The following GALNTL6 variants were observed in gnomAD, a reference collection of about 807,000 sequenced individuals.
The protein encoded by GALNTL6 is polypeptide N-acetylgalactosaminyltransferase like 6, also known as polypeptide N-acetylgalactosaminyltransferase-like 6.
A neutral mutation model predicts 73.7 loss-of-function variants in GALNTL6; 46 were observed. The observed-to-expected ratio is 0.62, with a 90% CI of 0.49 to 0.80. The LOEUF (loss-of-function observed/expected upper bound fraction) is 0.80, where lower values mean the gene tolerates loss of function less well. GALNTL6 is among the 30% of genes least tolerant of loss of function. The pLI, the probability that GALNTL6 is intolerant of heterozygous loss-of-function variation, is 0.00. For missense variants in GALNTL6, 604 were observed against 755.0 expected, an observed-to-expected ratio of 0.80 and a Z score of 2.34; for synonymous variants, 259 against 263.7, an observed-to-expected ratio of 0.98 and a Z score of 0.17.
At chr4:172,628,890 C>A (rs1412093469) in intron 5 of GALNTL6, among the ~76,000 whole-genome samples, 1 of 151,912 alleles carries the variant, frequency 6.6e-6, no homozygotes, top group South Asian at 2.1e-4. Flanking sequence ...TTTCAAGATC[C>A]TTCATTTAAA....
intron 5 of GALNTL6, among the ~76,000 whole-genome samples, chr4:172,680,209 GTTA>G (rs1732551807): frequency 1.3e-5 from 2 of 152,188 alleles, no homozygotes; most frequent in South Asian, 4.1e-4. Context: ...AATGAATAGT[GTTA>G]TTATTTACAT....
At chr4:172,980,700 A>C (rs1461730795) in intron 10 of GALNTL6, among the ~76,000 whole-genome samples, 1 of 151,412 alleles carries the variant, frequency 6.6e-6, no homozygotes, top group Non-Finnish European at 1.5e-5. Context: ...TCAGATTAGG[A>C]CTCCATCCTT....
intron 12 of GALNTL6, among the ~76,000 whole-genome samples, chr4:173,037,494 C>T (rs1050419272): frequency 6.6e-6 from 1 of 152,132 alleles, no homozygotes; most frequent in Non-Finnish European, 1.5e-5. Flanking sequence ...CAGGAGTACA[C>T]CTGTATTTCT....
At chr4:172,242,650 G>A (rs1239584094) in intron 3 of GALNTL6, among the ~76,000 whole-genome samples, 1 of 152,106 alleles carries the variant, frequency 6.6e-6, no homozygotes, top group African/African-American at 2.4e-5. Context: ...GTCTTAAATA[G>A]TCATAATGGT....
At chr4:172,926,646 G>C (rs1324683048) in intron 8 of GALNTL6, among the ~76,000 whole-genome samples, 8 of 152,096 alleles carry the variant, frequency 5.3e-5, no homozygotes, top group Non-Finnish European at 7.4e-5. Context: ...AAAACAAAAG[G>C]CTGTGCCAAC....
intron 7 of GALNTL6, among the ~76,000 whole-genome samples, chr4:172,874,882 C>T (rs1745113379): frequency 6.6e-6 from 1 of 152,134 alleles, no homozygotes. Context: ...AGCACTCAAG[C>T]CTAGGACAGG....
intron 2 of GALNTL6, among the ~76,000 whole-genome samples, chr4:171,916,783 C>A (rs989432935): frequency 6.6e-6 from 1 of 151,948 alleles, no homozygotes; most frequent in African/African-American, 2.4e-5. Flanking sequence ...ATTTACAATT[C>A]TGTTTCTCAT....
rs201162814 is a variant in GALNTL6, at chr4:172,349,847, T to A, written c.553+1158T>A. Among the ~76,000 whole-genome samples, 233 of 41,152 alleles carry A rather than the reference T, an allele frequency of 5.7e-3. No homozygotes were observed. The South Asian group carries it at 0.15, about 26-fold the overall frequency. 27.0% of individuals were successfully genotyped at this position (41,152 alleles called of 152,430 possible). A position where few individuals can be genotyped will look rare whatever the true frequency, so the allele number is the denominator to read the frequency against. ...TAAAAAAAAATATATATATATATAT[T>A]TTTTTTAAACTATCAACCTGGTCAT... is the stretch of plus-strand genomic sequence containing the variant. On this transcript the variant is annotated intron_variant, in intron 5 of 12. Coordinates refer to ENST00000506823, the MANE Select transcript of GALNTL6 (RefSeq NM_001034845.3).
At chr4:172,525,606 C>A (rs1734924320) in intron 5 of GALNTL6, among the ~76,000 whole-genome samples, 1 of 152,100 alleles carries the variant, frequency 6.6e-6, no homozygotes, top group Non-Finnish European at 1.5e-5. Flanking sequence ...CTAACACTTA[C>A]AATCCCAGAG....
intron 2 of GALNTL6, among the ~76,000 whole-genome samples, chr4:172,110,536 G>A (rs1037080105): frequency 6.6e-6 from 1 of 152,240 alleles, no homozygotes; most frequent in Non-Finnish European, 1.5e-5. Context: ...TAGCCAACAA[G>A]CATTTTCTGC....
At chr4:172,638,011 T>C (rs1354877417) in intron 5 of GALNTL6, among the ~76,000 whole-genome samples, 1 of 152,182 alleles carries the variant, frequency 6.6e-6, no homozygotes, top group Non-Finnish European at 1.5e-5. Flanking sequence ...AATTAGTCTA[T>C]GAATATTCTC....
At chr4:172,685,478 C>T (rs1458486633) in intron 5 of GALNTL6, among the ~76,000 whole-genome samples, 2 of 152,226 alleles carry the variant, frequency 1.3e-5, no homozygotes, top group Admixed American at 6.5e-5. Context: ...ACTGTAATAT[C>T]CAAAGGCACA....
At chr4:171,990,525 T>G (rs1740302753) in intron 2 of GALNTL6, among the ~76,000 whole-genome samples, 1 of 152,098 alleles carries the variant, frequency 6.6e-6, no homozygotes, top group South Asian at 2.1e-4. Context: ...TATCAGAAAA[T>G]GAAGAAAAAG....
intron 2 of GALNTL6, among the ~76,000 whole-genome samples, chr4:172,063,903 C>T (rs1731283255): frequency 6.6e-6 from 1 of 152,170 alleles, no homozygotes; most frequent in South Asian, 2.1e-4. Context: ...CTCTGCTATA[C>T]ATTCACATAT....
chr4:171,999,902 A>T (rs1426378516), intron 2 of GALNTL6, among the ~76,000 whole-genome samples: 2 of 152,176 alleles, frequency 1.3e-5, no homozygotes, highest in Non-Finnish European at 2.9e-5. Context: ...ATAGCCTAAC[A>T]CCGATATTCA....
intron 2 of GALNTL6, among the ~76,000 whole-genome samples, chr4:172,001,059 AGTT>A (rs1460158648): frequency 1.3e-5 from 2 of 152,178 alleles, no homozygotes; most frequent in Non-Finnish European, 2.9e-5. Context: ...TGGTGAGAAT[AGTT>A]GTTGTAATAG....
intron 2 of GALNTL6, among the ~76,000 whole-genome samples, chr4:172,064,760 A>C (rs549897242): frequency 1.3e-5 from 2 of 152,136 alleles, no homozygotes; most frequent in African/African-American, 4.8e-5. Flanking sequence ...ACAGTAATCA[A>C]TTTAGCAATC....
intron 2 of GALNTL6, among the ~76,000 whole-genome samples, chr4:172,059,568 A>G (rs1731131042): frequency 1.3e-5 from 2 of 152,314 alleles, no homozygotes; most frequent in South Asian, 2.1e-4. Context: ...ATGTAAGAAA[A>G]TGTAAATAGG....
intron 5 of GALNTL6, among the ~76,000 whole-genome samples, chr4:172,654,317 C>T (rs1221064835): frequency 6.6e-6 from 1 of 152,174 alleles, no homozygotes; most frequent in Non-Finnish European, 1.5e-5. Context: ...AGCACTTGTT[C>T]TCAACCGAAC....
Sources: allele counts gnomAD v4.1 joint callset (sites outside exome capture counted in the v4.1 genomes callset), GRCh38; gene constraint gnomAD v4.1.1; transcripts MANE v1.5; gene names NCBI Gene and HGNC (gene_info 2026-07-23, HGNC 2026-07-21).